Variants in PRKG1 observed in about 807,000 individuals in gnomAD.
PRKG1 encodes protein kinase cGMP-dependent 1.
PRKG1 carries 35 observed loss-of-function variants against 88.1 expected under a neutral mutation model. The ratio of observed to expected loss-of-function variants is 0.40; its 90% CI spans 0.30 to 0.53. PRKG1 has a LOEUF of 0.53. Among genes scored for constraint, PRKG1 ranks in the 20% least tolerant of loss-of-function variants. The probability of loss-of-function intolerance (pLI) is 0.59; values close to 1 mark genes in which losing one functional copy is unlikely to be tolerated. For synonymous variants in PRKG1, 303 were observed against 292.5 expected (o/e 1.04, Z -0.37); for missense variants, 540 against 839.8 (o/e 0.64, Z 4.41).
intron 1 of PRKG1, among the ~76,000 whole-genome samples, chr10:51,131,994 T>G (rs895833329): frequency 6.6e-6 from 1 of 152,120 alleles, no homozygotes; most frequent in Admixed American, 6.6e-5. Flanking sequence ...ATAAATAGAT[T>G]TTTTTACAAA....
intron 1 of PRKG1, among the ~76,000 whole-genome samples, chr10:51,039,816 G>A (rs1325617308): frequency 6.6e-6 from 1 of 152,144 alleles, no homozygotes; most frequent in Non-Finnish European, 1.5e-5. Flanking sequence ...TGGATATCCA[G>A]TTTCCTCAGC....
At chr10:51,246,826 C>G (rs750661215) in intron 2 of PRKG1, among the ~76,000 whole-genome samples, 3 of 151,878 alleles carry the variant, frequency 2.0e-5, no homozygotes, top group African/African-American at 7.3e-5. Context: ...CTATTCAGCC[C>G]CTTATTGATA....
intron 4 of PRKG1, among the ~76,000 whole-genome samples, chr10:51,866,713 T>A (rs1841023097): frequency 6.6e-6 from 1 of 152,166 alleles, no homozygotes; most frequent in African/African-American, 2.4e-5. Context: ...CTTAGACATA[T>A]AAAATACCAC....
chr10:51,510,128 C>T (rs573697972), intron 3 of PRKG1, among the ~76,000 whole-genome samples: 9 of 151,964 alleles, frequency 5.9e-5, no homozygotes, highest in Non-Finnish European at 1.3e-4. Context: ...TTTTTGTAAA[C>T]GTGATCTGTG....
intron 2 of PRKG1, among the ~76,000 whole-genome samples, chr10:51,264,069 T>C (rs1028572463): frequency 1.3e-5 from 2 of 152,234 alleles, no homozygotes; most frequent in African/African-American, 2.4e-5. Flanking sequence ...CCATCAATCA[T>C]GTCATGTTGA....
At chr10:51,302,128 T>G (rs1350006288) in intron 2 of PRKG1, among the ~76,000 whole-genome samples, 8 of 152,194 alleles carry the variant, frequency 5.3e-5, no homozygotes, top group Non-Finnish European at 1.2e-4. Flanking sequence ...ATACTTCTTT[T>G]GAAATACACT....
intron 2 of PRKG1, among the ~76,000 whole-genome samples, chr10:51,273,348 C>CAAAA (rs35237197): frequency 1.7e-5 from 2 of 118,628 alleles, no homozygotes; most frequent in Non-Finnish European, 3.6e-5. Context: ...CCATCTCTTC[C>CAAAA]AAAAAAAAAA....
chr10:51,180,536 T>A (rs957481258), intron 2 of PRKG1, among the ~76,000 whole-genome samples: 1 of 152,230 alleles, frequency 6.6e-6, no homozygotes, highest in Non-Finnish European at 1.5e-5. Context: ...AATGTAAGTA[T>A]GATATTCTGT....
chr10:52,159,662 T>A (rs1175468937), intron 8 of PRKG1, among the ~76,000 whole-genome samples: 3 of 151,852 alleles, frequency 2.0e-5, no homozygotes, highest in Non-Finnish European at 4.4e-5. Flanking sequence ...GTTAAAAGTT[T>A]TAATTCTTGT....
intron 1 of PRKG1, among the ~76,000 whole-genome samples, chr10:51,007,486 C>T (rs1002112647): frequency 1.3e-5 from 2 of 152,142 alleles, no homozygotes; most frequent in Admixed American, 1.3e-4. Context: ...CCTAGGAAAG[C>T]CTACAGGAAA....
intron 3 of PRKG1, among the ~76,000 whole-genome samples, chr10:51,596,104 C>T (rs2132217344): frequency 6.6e-6 from 1 of 152,320 alleles, no homozygotes; most frequent in East Asian, 1.9e-4. Flanking sequence ...GCTGGGATTA[C>T]AGGCGTGAGT....
intron 1 of PRKG1, among the ~76,000 whole-genome samples, chr10:51,120,295 G>C (rs773792384): frequency 6.6e-6 from 1 of 152,062 alleles, no homozygotes; most frequent in Non-Finnish European, 1.5e-5. Flanking sequence ...GGAGGGCAAA[G>C]TTGTTGAGGT....
At chr10:50,992,658 T>A (rs1194803717) in intron 1 of PRKG1, among the ~76,000 whole-genome samples, 1 of 152,076 alleles carries the variant, frequency 6.6e-6, no homozygotes, top group Non-Finnish European at 1.5e-5. Flanking sequence ...CTTTGGGGTG[T>A]GCAGAGGAGG....
intron 5 of PRKG1, among the ~76,000 whole-genome samples, chr10:51,919,777 A>T (rs60018675): frequency 0.012 from 1,888 of 151,910 alleles, 40 homozygotes; most frequent in African/African-American, 0.044. Context: ...TGCATGCTTG[A>T]TCCTATATTG....
intron 9 of PRKG1, among the ~76,000 whole-genome samples, chr10:52,199,002 T>G (rs1839585981): frequency 6.6e-6 from 1 of 152,156 alleles, no homozygotes; most frequent in South Asian, 2.1e-4. Context: ...TGGCCACTTT[T>G]GCCTTTCAGA....
At chr10:51,745,701 A>AT (rs148465330) in intron 3 of PRKG1, among the ~76,000 whole-genome samples, 71 of 152,172 alleles carry the variant, frequency 4.7e-4, no homozygotes, top group Non-Finnish European at 8.7e-4. Context: ...TGATATTGTC[A>AT]TTTTTTCCTA....
chr10:52,019,331 A>G (rs1440704278), intron 5 of PRKG1, among the ~76,000 whole-genome samples: 4 of 152,300 alleles, frequency 2.6e-5, no homozygotes, highest in East Asian at 3.9e-4. Flanking sequence ...TCTTACAGAG[A>G]CTAGGAGATG....
chr10:52,286,714 AT>A (rs1423069017), intron 14 of PRKG1, among the ~76,000 whole-genome samples: 1 of 151,864 alleles, frequency 6.6e-6, no homozygotes, highest in African/African-American at 2.4e-5. Context: ...CAGAAGAGAA[AT>A]CTCTAAATTC....
intron 1 of PRKG1, among the ~76,000 whole-genome samples, chr10:51,052,957 C>T (rs1843582527): frequency 2.0e-5 from 3 of 152,278 alleles, no homozygotes; most frequent in African/African-American, 4.8e-5. Context: ...TGGCCAGTTG[C>T]CGTGGCTCAT....
Sources: gnomAD v4.1 joint callset for allele counts (sites outside exome capture counted in the v4.1 genomes callset) on GRCh38, gnomAD v4.1.1 for gene constraint, MANE v1.5 for transcripts, NCBI Gene and HGNC (gene_info 2026-07-23, HGNC 2026-07-21) for gene names.